GRIA4: variants seen among roughly 807,000 people sequenced by gnomAD.
The protein encoded by GRIA4 is glutamate receptor 4.
A neutral mutation model predicts 104.0 loss-of-function variants in GRIA4; 34 were observed. The observed-to-expected ratio is 0.33, with a 90% CI of 0.25 to 0.44. The LOEUF is 0.44. GRIA4 is among the 20% of genes least tolerant of loss of function. The pLI is 1.00. For synonymous variants in GRIA4, 386 were observed against 381.9 expected, an observed-to-expected ratio of 1.01 and a Z score of -0.13; for missense variants, 750 against 1,096.5, an observed-to-expected ratio of 0.68 and a Z score of 4.46.
intron 5 of GRIA4, among the ~76,000 whole-genome samples, chr11:105,875,708 TTTATAGTATTCTC>T (rs1173530697): frequency 6.6e-6 from 1 of 152,166 alleles, no homozygotes; most frequent in Non-Finnish European, 1.5e-5. Flanking sequence ...CATAGAGGTG[TTTATAGTATTCTC>T]TGATGGTAGT....
intron 9 of GRIA4, among the ~76,000 whole-genome samples, chr11:105,908,696 A>C (rs1457496486): frequency 6.6e-6 from 1 of 152,158 alleles, no homozygotes; most frequent in East Asian, 1.9e-4. Flanking sequence ...AATAACTGCA[A>C]ACCCATGGTT....
intron 14 of GRIA4, among the ~76,000 whole-genome samples, chr11:105,961,337 T>C (rs1397596396): frequency 6.6e-6 from 1 of 152,248 alleles, no homozygotes; most frequent in East Asian, 1.9e-4. Flanking sequence ...TCCATGTTTT[T>C]TGCTGACTTT....
intron 4 of GRIA4, among the ~76,000 whole-genome samples, chr11:105,772,031 G>A (rs1941230048): frequency 6.6e-6 from 1 of 152,036 alleles, no homozygotes; most frequent in African/African-American, 2.4e-5. Context: ...ATTGACTATA[G>A]TACATACTAA....
chr11:105,825,436 G>C (rs1027047522), intron 4 of GRIA4, among the ~76,000 whole-genome samples: 2 of 152,064 alleles, frequency 1.3e-5, no homozygotes, highest in Non-Finnish European at 2.9e-5. Context: ...GTTCAGGCCA[G>C]CTACGTTCTT....
At chr11:105,671,802 C>T (rs193220041) in intron 3 of GRIA4, among the ~76,000 whole-genome samples, 4 of 149,616 alleles carry the variant, frequency 2.7e-5, no homozygotes, top group African/African-American at 4.9e-5. Context: ...ATATTAGTAA[C>T]GTTCTATTCC....
intron 3 of GRIA4, chr11:105,707,036 T>C (rs1953728384): frequency 6.6e-6 from 1 of 152,284 alleles, no homozygotes; most frequent in Non-Finnish European, 1.5e-5. Flanking sequence ...TTGCTGATGC[T>C]CACAGAAAGC....
At chr11:105,616,646 T>G (rs1950608609) in intron 3 of GRIA4, among the ~76,000 whole-genome samples, 1 of 151,678 alleles carries the variant, frequency 6.6e-6, no homozygotes, top group African/African-American at 2.4e-5. Flanking sequence ...TTCTAAGAGT[T>G]TACACTGGAC....
Position 105,612,199 on chromosome 11 carries a change from G to T in GRIA4, c.89-77G>T, listed in dbSNP as rs145447244. ...TTGTATGTGCTTGTGAATGGCAGTA[G>T]ATTTGACTGTGCTTGGGGTGGGTAT... On this transcript the variant is annotated intron_variant, in intron 2 of 16. Transcript: ENST00000282499. The T allele has an allele frequency of 1.3e-5, 17 of 1,341,920 alleles. No homozygotes were observed. In the Admixed American group the frequency reaches 3.0e-4, roughly 23 times the overall value. The allele number at this position is 1,341,920 out of a possible 1,614,324, so 83.1% of individuals were successfully genotyped here.
chr11:105,648,093 C>A (rs1591497929), intron 3 of GRIA4, among the ~76,000 whole-genome samples: 2 of 151,774 alleles, frequency 1.3e-5, no homozygotes, highest in East Asian at 3.9e-4. Context: ...ATATATAACT[C>A]ACTGTTACAA....
intron 3 of GRIA4, among the ~76,000 whole-genome samples, chr11:105,618,469 A>T (rs1012009678): frequency 6.6e-6 from 1 of 151,960 alleles, no homozygotes; most frequent in Non-Finnish European, 1.5e-5. Context: ...GAACTTAGTG[A>T]TTGGTTGGAT....
At chr11:105,870,103 G>A (rs970187152) in intron 5 of GRIA4, among the ~76,000 whole-genome samples, 19 of 151,768 alleles carry the variant, frequency 1.3e-4, no homozygotes, top group Admixed American at 2.6e-4. Context: ...ATTTGCTTCC[G>A]TATTTGACTT....
chr11:105,936,322 T>C (rs369714375), intron 14 of GRIA4, among the ~76,000 whole-genome samples: 1 of 152,340 alleles, frequency 6.6e-6, no homozygotes, highest in African/African-American at 2.4e-5. Flanking sequence ...CGAGAGAACA[T>C]ACCTGTATCA....
rs780221754 is a variant in GRIA4 at position 105,979,673 on chromosome 11, T to G, written c.2643T>G (p.Ala881=). The change falls in exon 17 of 17, where the codon GCT becomes GCG. Residue 881 remains alanine, a synonymous_variant. Transcript: ENST00000282499. ...TCTTGACGCCTGACTGCCCAAAGGCTGTACACACTGGAACTGCAATCAGAC... is the reference window on the plus strand; with the variant it reads ...TCTTGACGCCTGACTGCCCAAAGGCGGTACACACTGGAACTGCAATCAGAC... ...GRVLTPDCPK[A]VHTGTAIRQS... 3.7e-6 allele frequency: 6 copies of G among 1,613,586 alleles called. No individual in the cohort carries two copies. The Admixed American group carries it at 5.0e-5, about 13-fold the overall frequency.
intron 3 of GRIA4, among the ~76,000 whole-genome samples, chr11:105,628,591 TC>T (rs993166745): frequency 6.6e-6 from 1 of 152,128 alleles, no homozygotes; most frequent in Admixed American, 6.6e-5. Flanking sequence ...TGCTTCCTCT[TC>T]CACCATGATT....
intron 13 of GRIA4, 92 bp downstream of exon 13, chr11:105,927,031 T>C: frequency 3.8e-6 from 3 of 789,710 alleles, no homozygotes; most frequent in Non-Finnish European, 6.3e-6. Flanking sequence ...TTAGCTATTA[T>C]AAGGTTTACA....
intron 4 of GRIA4, among the ~76,000 whole-genome samples, chr11:105,773,664 G>A (rs942680554): frequency 3.3e-5 from 5 of 152,088 alleles, no homozygotes; most frequent in African/African-American, 9.7e-5. Flanking sequence ...GCAGGAGGTA[G>A]GGACACCAGC....
At chr11:105,853,276 C>T (rs1392405424) in intron 4 of GRIA4, among the ~76,000 whole-genome samples, 1 of 152,134 alleles carries the variant, frequency 6.6e-6, no homozygotes, top group African/African-American at 2.4e-5. Flanking sequence ...GAATTTCACA[C>T]TTACTTCAAT....
At chr11:105,867,615 C>T (rs1945470645) in intron 5 of GRIA4, among the ~76,000 whole-genome samples, 1 of 152,168 alleles carries the variant, frequency 6.6e-6, no homozygotes, top group East Asian at 1.9e-4. Flanking sequence ...TGAGTCAATA[C>T]CTAAAAGGAA....
intron 4 of GRIA4, among the ~76,000 whole-genome samples, chr11:105,816,956 C>T (rs940985503): frequency 4.0e-5 from 6 of 151,544 alleles, no homozygotes; most frequent in African/African-American, 1.5e-4. Context: ...GGATTTCAAG[C>T]CTGCAGTGAG....
Sources: gnomAD v4.1 joint callset for allele counts (sites outside exome capture counted in the v4.1 genomes callset) on GRCh38, gnomAD v4.1.1 for gene constraint, MANE v1.5 for transcripts, NCBI Gene and HGNC (gene_info 2026-07-23, HGNC 2026-07-21) for gene names.